SYNPR: variants seen among roughly 807,000 people sequenced by gnomAD.
SYNPR encodes synaptoporin.
In SYNPR, 23 loss-of-function variants were observed where a neutral mutation model predicts 32.9. That is an observed-to-expected ratio of 0.70 (90% CI 0.50 to 0.99). The LOEUF is 0.99. SYNPR is among the 50% of genes least tolerant of loss of function. The pLI, the probability that SYNPR is intolerant of heterozygous loss-of-function variation, is 0.00. For missense variants in SYNPR, 318 were observed against 349.3 expected, an observed-to-expected ratio of 0.91 and a Z score of 0.71; for synonymous variants, 146 against 135.9, an observed-to-expected ratio of 1.07 and a Z score of -0.52.
At chr3:63,380,716 G>A (rs1470534814) in intron 2 of SYNPR, among the ~76,000 whole-genome samples, 1 of 152,084 alleles carries the variant, frequency 6.6e-6, no homozygotes. Flanking sequence ...GATCAAGTGG[G>A]CTTCATCCCT....
chr3:63,223,258 G>A, the SYNPR span, among the ~76,000 whole-genome samples: 9 of 148,436 alleles, frequency 6.1e-5, no homozygotes, highest in Non-Finnish European at 1.4e-4. Context: ...CTCAGTGATA[G>A]GAGCAAGCCC....
chr3:63,300,645 G>T (rs1477630274), intron 2 of SYNPR, among the ~76,000 whole-genome samples: 1 of 152,036 alleles, frequency 6.6e-6, no homozygotes, highest in Non-Finnish European at 1.5e-5. Context: ...TGCCCCAGGG[G>T]TAGCCCATAG....
intron 2 of SYNPR, among the ~76,000 whole-genome samples, chr3:63,384,931 C>G (rs1469868153): frequency 6.6e-6 from 1 of 152,154 alleles, no homozygotes; most frequent in South Asian, 2.1e-4. Flanking sequence ...ACCCTCTATT[C>G]AGACCTATAT....
chr3:63,385,857 G>A (rs1280875867), intron 2 of SYNPR, among the ~76,000 whole-genome samples: 2 of 152,104 alleles, frequency 1.3e-5, no homozygotes, highest in African/African-American at 2.4e-5. Context: ...AATGTGCTGT[G>A]GACTCTATTG....
chr3:63,340,627 G>C (rs1197299268), intron 2 of SYNPR, among the ~76,000 whole-genome samples: 2 of 151,722 alleles, frequency 1.3e-5, no homozygotes, highest in Non-Finnish European at 2.9e-5. Context: ...CACCGTTTTA[G>C]CCGGGATGGT....
chr3:63,510,934 T>TGTGTGTGTGTGTGTGTGTGTGC (rs368216996), intron 3 of SYNPR, among the ~76,000 whole-genome samples: 1 of 63,996 alleles, frequency 1.6e-5, no homozygotes, highest in African/African-American at 4.6e-5. Context: ...TGTGTGTGTG[T>TGTGTGTGTGTGTGTGTGTGTGC]GCGCGCACGT....
At chr3:63,442,251 C>A (rs374313503) in intron 2 of SYNPR, among the ~76,000 whole-genome samples, 1 of 150,254 alleles carries the variant, frequency 6.7e-6, no homozygotes, top group South Asian at 2.1e-4. Context: ...GGAAGGAAAG[C>A]GAGAGAGAGA....
chr3:63,321,317 C>A (rs2087108497), intron 2 of SYNPR, among the ~76,000 whole-genome samples: 1 of 151,966 alleles, frequency 6.6e-6, no homozygotes, highest in Admixed American at 6.6e-5. Flanking sequence ...TATAGTAGAA[C>A]ATGTGGATAC....
intron 2 of SYNPR, among the ~76,000 whole-genome samples, chr3:63,369,585 A>G (rs2087770631): frequency 6.6e-6 from 1 of 152,214 alleles, no homozygotes; most frequent in Non-Finnish European, 1.5e-5. Context: ...CACCAATCCA[A>G]TGCTTTAAAG....
intron 3 of SYNPR, among the ~76,000 whole-genome samples, chr3:63,500,259 A>C (rs1370246987): frequency 6.6e-6 from 1 of 152,188 alleles, no homozygotes; most frequent in Non-Finnish European, 1.5e-5. Context: ...TGTGAAAATA[A>C]AGAGCAGTCC....
At chr3:63,352,833 G>C (rs1386458292) in intron 2 of SYNPR, among the ~76,000 whole-genome samples, 2 of 152,076 alleles carry the variant, frequency 1.3e-5, no homozygotes, top group Non-Finnish European at 1.5e-5. Flanking sequence ...GCTCCCCTTT[G>C]TTAAACCATC....
chr3:63,483,522 G>A (rs1701087028), intron 3 of SYNPR, among the ~76,000 whole-genome samples: 1 of 152,104 alleles, frequency 6.6e-6, no homozygotes, highest in African/African-American at 2.4e-5. Context: ...TGTGTCATTG[G>A]TTTGCAGAGG....
At chr3:63,204,140 G>A in the SYNPR span, among the ~76,000 whole-genome samples, 9 of 152,138 alleles carry the variant, frequency 5.9e-5, no homozygotes, top group African/African-American at 1.9e-4. Context: ...TCACCCCCAT[G>A]TTACTTTCCT....
At chr3:63,388,556 T>TTG (rs749669898) in intron 2 of SYNPR, among the ~76,000 whole-genome samples, 5,543 of 127,936 alleles carry the variant, frequency 0.043, 143 homozygotes, top group Middle Eastern at 0.09. Context: ...CCCGGCTAAT[T>TTG]TGTGTGTGTG....
intron 2 of SYNPR, among the ~76,000 whole-genome samples, chr3:63,257,562 A>T (rs1427379589): frequency 1.3e-5 from 2 of 152,186 alleles, no homozygotes; most frequent in African/African-American, 4.8e-5. Flanking sequence ...AGAGCTCCTG[A>T]AGGAAGCACT....
At chr3:63,376,502 C>T (rs1302999030) in intron 2 of SYNPR, among the ~76,000 whole-genome samples, 1 of 152,130 alleles carries the variant, frequency 6.6e-6, no homozygotes, top group Non-Finnish European at 1.5e-5. Flanking sequence ...TTTTCTTTCA[C>T]CACTCTGGGC....
At chr3:63,380,581 G>C (rs2087954008) in intron 2 of SYNPR, among the ~76,000 whole-genome samples, 1 of 151,996 alleles carries the variant, frequency 6.6e-6, no homozygotes, top group Admixed American at 6.6e-5. Flanking sequence ...GCAGATTCTG[G>C]ATATTAGCCT....
intron 3 of SYNPR, among the ~76,000 whole-genome samples, chr3:63,538,485 G>A (rs1702245535): frequency 1.3e-5 from 2 of 151,946 alleles, no homozygotes; most frequent in African/African-American, 4.8e-5. Flanking sequence ...ATTTTGCAAA[G>A]CCACCTTTGC....
intron 1 of SYNPR, among the ~76,000 whole-genome samples, chr3:63,247,266 T>G (rs982180339): frequency 6.7e-6 from 1 of 148,996 alleles, no homozygotes; most frequent in South Asian, 2.1e-4. Flanking sequence ...ATAAGAAATG[T>G]TTTTTTTTTC....
Sources: gnomAD v4.1 joint callset for allele counts (sites outside exome capture counted in the v4.1 genomes callset) on GRCh38, gnomAD v4.1.1 for gene constraint, MANE v1.5 for transcripts, NCBI Gene and HGNC (gene_info 2026-07-23, HGNC 2026-07-21) for gene names.